Variants in DCDC1 observed in about 807,000 individuals in gnomAD.
DCDC1 encodes doublecortin domain containing 1.
In DCDC1, 200 loss-of-function variants were observed where a neutral mutation model predicts 178.3. That is an observed-to-expected ratio of 1.12 (90% confidence interval 1.00 to 1.26). The LOEUF (loss-of-function observed/expected upper bound fraction) is 1.26, where lower values mean the gene tolerates loss of function less well. Ranked by LOEUF, DCDC1 falls within the 50% of genes most tolerant of loss-of-function variation. The pLI, the probability that DCDC1 is intolerant of heterozygous loss-of-function variation, is 0.00. For missense variants in DCDC1, 1,983 were observed against 1,749.2 expected (o/e 1.13, Z -2.38); for synonymous variants, 690 against 604.8 (o/e 1.14, Z -2.07).
At chr11:31,328,551 C>T (rs1309824740) in intron 2 of DCDC1, among the ~76,000 whole-genome samples, 1 of 152,128 alleles carries the variant, frequency 6.6e-6, no homozygotes, top group African/African-American at 2.4e-5. Flanking sequence ...GTAATCCCAG[C>T]ACTTTGGGAG....
At chr11:30,957,717 T>C (rs941957402) in intron 20 of DCDC1, among the ~76,000 whole-genome samples, 2 of 152,150 alleles carry the variant, frequency 1.3e-5, no homozygotes, top group East Asian at 3.9e-4. Context: ...GGGACATGCA[T>C]GGTGAAGTGA....
chr11:31,213,176 G>A (rs72886075), intron 9 of DCDC1, among the ~76,000 whole-genome samples: 3,837 of 117,442 alleles, frequency 0.033, 134 homozygotes, highest in Middle Eastern at 0.05. Context: ...TTCTTTACCA[G>A]GGCAGTGGTT....
intron 21 of DCDC1, among the ~76,000 whole-genome samples, chr11:30,945,832 T>TA (rs1462112045): frequency 6.6e-6 from 1 of 152,050 alleles, no homozygotes; most frequent in African/African-American, 2.4e-5. Flanking sequence ...TTTCCCTACA[T>TA]AAAAAAAGTA....
intron 28 of DCDC1, 109 bp from the exon 29 acceptor site, chr11:30,909,225 C>G (rs1017141311): frequency 1.1e-6 from 1 of 879,390 alleles, no homozygotes; most frequent in Non-Finnish European, 1.6e-6. Context: ...CATAATCCCA[C>G]CACACAGTGA....
chr11:31,096,681 G>A lies in DCDC1; in HGVS notation c.1984-2497C>T, dbSNP rs542182489. Among the ~76,000 whole-genome samples the A allele has an allele frequency of 1.5e-4, 23 of 151,048 alleles. No individual in the cohort carries two copies. In the South Asian group the frequency reaches 4.0e-3, roughly 26 times the overall value. On this transcript the variant is annotated intron_variant, in intron 15 of 38. Transcript: ENST00000684477. The stretch of plus-strand genomic sequence containing the variant: ...AGACACAGCAAGGCCCACTAACCCA[G>A]CTTTATATTGTGTTATTAAAAAAAA...
chr11:31,321,382 A>T (rs1481254139), intron 3 of DCDC1, among the ~76,000 whole-genome samples: 1 of 144,016 alleles, frequency 6.9e-6, no homozygotes, highest in Non-Finnish European at 1.5e-5. Context: ...AGCCGGTCTG[A>T]AAAGCGCAAT....
chr11:30,904,855 TG>T, intron 31 of DCDC1, 105 bp downstream of exon 31: 1 of 1,317,804 alleles, frequency 7.6e-7, no homozygotes, highest in Non-Finnish European at 1.1e-6. Flanking sequence ...CTGGTGAATC[TG>T]GCCAGGGACA....
At chr11:31,061,857 G>A (rs572522759) in intron 20 of DCDC1, among the ~76,000 whole-genome samples, 3 of 152,204 alleles carry the variant, frequency 2.0e-5, no homozygotes, top group South Asian at 2.1e-4. Context: ...ACCTCAGATA[G>A]GTCTTCTGGT....
At chr11:30,993,587 C>T (rs1003782092) in intron 20 of DCDC1, among the ~76,000 whole-genome samples, 1 of 151,890 alleles carries the variant, frequency 6.6e-6, no homozygotes, top group South Asian at 2.1e-4. Context: ...TAGAGAAAAA[C>T]AAGACAATAA....
chr11:30,953,291 A>G (rs982797932), intron 20 of DCDC1, among the ~76,000 whole-genome samples: 2 of 148,478 alleles, frequency 1.3e-5, no homozygotes, highest in African/African-American at 4.9e-5. Context: ...TATTATATTT[A>G]TTATCATAAG....
intron 9 of DCDC1, among the ~76,000 whole-genome samples, chr11:31,164,819 A>G (rs1173461477): frequency 1.3e-5 from 2 of 152,222 alleles, no homozygotes; most frequent in Non-Finnish European, 2.9e-5. Context: ...AGTAGCGTTC[A>G]GTAATATCCT....
chr11:31,073,180 T>A (rs574529226), intron 18 of DCDC1, among the ~76,000 whole-genome samples: 2 of 152,306 alleles, frequency 1.3e-5, no homozygotes, highest in Admixed American at 1.3e-4. Flanking sequence ...AGAGTAGCTA[T>A]TGTAAAAATA....
At chr11:31,299,242 A>C (rs1418978305) in intron 6 of DCDC1, among the ~76,000 whole-genome samples, 1 of 152,196 alleles carries the variant, frequency 6.6e-6, no homozygotes, top group Non-Finnish European at 1.5e-5. Flanking sequence ...TATTTAACTA[A>C]TAATGACAGT....
At chr11:31,029,548 T>C (rs1590811417) in intron 20 of DCDC1, among the ~76,000 whole-genome samples, 1 of 152,088 alleles carries the variant, frequency 6.6e-6, no homozygotes, top group East Asian at 1.9e-4. Flanking sequence ...ATTTTTTAAA[T>C]TGACATTATT....
chr11:31,357,687 C>A (rs1463183311), intron 1 of DCDC1, among the ~76,000 whole-genome samples: 1 of 152,038 alleles, frequency 6.6e-6, no homozygotes, highest in Non-Finnish European at 1.5e-5. Context: ...ATCTAGAAAA[C>A]CCCATTGTCT....
intron 10 of DCDC1, among the ~76,000 whole-genome samples, chr11:31,131,338 T>C (rs1209381678): frequency 6.6e-6 from 1 of 152,216 alleles, no homozygotes. Context: ...TTATAGGCTA[T>C]AAAATCCAGT....
intron 9 of DCDC1, among the ~76,000 whole-genome samples, chr11:31,176,551 G>A (rs139882919): frequency 1.4e-3 from 209 of 152,194 alleles, no homozygotes; most frequent in African/African-American, 4.7e-3. Context: ...GAAGCCCAAA[G>A]GTTCCCAATT....
Position 30,959,223 on chromosome 11 carries a change from C to T in DCDC1, c.2592-6655G>A, listed in dbSNP as rs533394111. The stretch of plus-strand genomic sequence containing the variant: ...TGCAACGGATGACCACATTGAAGTA[C>T]TTAACTATAACCCCAACCCCTTGAG... On this transcript the variant is annotated intron_variant, in intron 20 of 38. Transcript: ENST00000684477. Among the ~76,000 whole-genome samples, 5 of 152,240 alleles carry T rather than the reference C, an allele frequency of 3.3e-5. No individual in the cohort carries two copies. In the South Asian group the frequency reaches 8.3e-4, roughly 25 times the overall value.
intron 14 of DCDC1, among the ~76,000 whole-genome samples, chr11:31,103,371 T>G (rs1292213990): frequency 1.3e-5 from 2 of 152,196 alleles, no homozygotes; most frequent in African/African-American, 4.8e-5. Flanking sequence ...AAAAACAGCT[T>G]TTATGTTTCA....
Sources: gnomAD v4.1 joint callset for allele counts (sites outside exome capture counted in the v4.1 genomes callset) on GRCh38, gnomAD v4.1.1 for gene constraint, MANE v1.5 for transcripts, NCBI Gene and HGNC (gene_info 2026-07-23, HGNC 2026-07-21) for gene names.